KANSL1: variants seen among roughly 807,000 people sequenced by gnomAD.
The protein encoded by KANSL1 is KAT8 regulatory NSL complex subunit 1, also known as MLL1/MLL complex subunit KANSL1.
In KANSL1, 22 loss-of-function variants were observed where a neutral mutation model predicts 103.6. The observed-to-expected ratio is 0.21, with a 90% CI of 0.15 to 0.30. The LOEUF is 0.30. Ranked by LOEUF, KANSL1 falls within the 10% of genes least tolerant of loss-of-function variation. KANSL1 has a pLI of 1.00. For synonymous variants in KANSL1, 600 were observed against 527.6 expected (o/e 1.14, Z -1.88); for missense variants, 1,337 against 1,399.8 (o/e 0.96, Z 0.72).
At chr17:46,042,425 A>G (rs1469453382) in intron 7 of KANSL1, 1 of 152,208 alleles carries the variant, frequency 6.6e-6, no homozygotes, top group African/African-American at 2.4e-5. Context: ...CTTATTTTAA[A>G]GATAGGGAAC....
intron 1 of KANSL1, chr17:46,221,663 T>G (rs1329179582): frequency 6.6e-6 from 1 of 151,320 alleles, no homozygotes; most frequent in Non-Finnish European, 1.5e-5. Context: ...TCTATACGCA[T>G]GGAAACAAGC....
At chr17:46,100,717 T>C (rs1333134144) in intron 2 of KANSL1, among the ~76,000 whole-genome samples, 2 of 152,222 alleles carry the variant, frequency 1.3e-5, no homozygotes, top group Non-Finnish European at 1.5e-5. Context: ...GTGCCTCTAA[T>C]TAAGTCACCT....
chr17:46,053,509 C>T (rs1031864094), intron 6 of KANSL1, among the ~76,000 whole-genome samples: 12 of 151,374 alleles, frequency 7.9e-5, no homozygotes, highest in African/African-American at 2.7e-4. Flanking sequence ...AGTGCAGTGG[C>T]GCAAGTCTGC....
chr17:46,183,496 C>T (rs1351796287), intron 1 of KANSL1, among the ~76,000 whole-genome samples: 1 of 151,912 alleles, frequency 6.6e-6, no homozygotes, highest in Non-Finnish European at 1.5e-5. Context: ...GCTGTTATCA[C>T]GCCACTGCAC....
At chr17:46,126,814 C>G (rs1407187682) in intron 2 of KANSL1, among the ~76,000 whole-genome samples, 1 of 152,160 alleles carries the variant, frequency 6.6e-6, no homozygotes, top group African/African-American at 2.4e-5. Flanking sequence ...GCAAGTTTAG[C>G]TCCTAAAGTA....
intron 3 of KANSL1, chr17:46,088,289 C>CA (rs2079241407): frequency 6.6e-6 from 1 of 152,372 alleles, no homozygotes. Context: ...ATCACTCTAT[C>CA]AGGTCAATCT....
chr17:46,052,963 C>CAAAAAAAAAAA lies in KANSL1; in HGVS notation c.1849-2260_1849-2259insTTTTTTTTTTT, dbSNP rs2077769956. On this transcript the variant is annotated intron_variant, in intron 6 of 14. Transcript: ENST00000432791. ...TGGGAAAAAGAGTAAGATCCTGTCT[C>CAAAAAAAAAAA]CAAAAAAAAAAAAAAAAAAAAAAAA... is the stretch of plus-strand genomic sequence containing the variant. Among the ~76,000 whole-genome samples the CAAAAAAAAAAA allele has an allele frequency of 2.8e-4, 12 of 43,162 alleles. 1 individual carries two copies. Among genetic ancestry groups the CAAAAAAAAAAA allele is most frequent in the African/African-American group, 1.1e-3 (11 of 9,826 alleles). The allele number at this position is 43,162 out of a possible 152,430, so 28.3% of individuals were successfully genotyped here. A position where few individuals can be genotyped will look rare whatever the true frequency, so the allele number is the denominator to read the frequency against.
At position 46,095,785 on chromosome 17, in the gene KANSL1, C is replaced by T. The variant is rs189805911; in HGVS notation, c.1290-1084G>A. On this transcript the variant is annotated intron_variant, in intron 2 of 14. Coordinates refer to ENST00000432791, the MANE Select transcript of KANSL1 (RefSeq NM_015443.4). ...GAAGATATCTAACACATATAACTGA[C>T]GATTAAACATCAGAATATGTAACAG... is the stretch of plus-strand genomic sequence containing the variant. Among the ~76,000 whole-genome samples the T allele has an allele frequency of 1.5e-3, 229 of 151,900 alleles. 1 individual carries two copies. The highest frequency in any genetic ancestry group is 5.2e-3 in the African/African-American group (214 of 41,358).
chr17:46,186,086 C>G (rs1170288776), intron 1 of KANSL1, among the ~76,000 whole-genome samples: 2 of 151,972 alleles, frequency 1.3e-5, no homozygotes, highest in African/African-American at 2.4e-5. Flanking sequence ...TTTAAGAATT[C>G]TAAAGGAGGC....
Position 46,171,984 on chromosome 17 carries a change from T to C in KANSL1, c.160A>G (p.Ile54Val). Reference sequence around the variant, plus strand: ...TCTAGGCTGGGATCCTCTGCAGCAATGGCTTTTCTTTTGGTTCCGTTGGCA... The same window carrying C: ...TCTAGGCTGGGATCCTCTGCAGCAACGGCTTTTCTTTTGGTTCCGTTGGCA... ...IAANGTKRKA[I>V]AAEDPSLDFR... Residue 54 changes from isoleucine to valine, a missense_variant, in exon 2 of 15, where the codon ATT (isoleucine) becomes GTT (valine). By Grantham distance (29) the Ile-to-Val change is conservative. Coordinates refer to ENST00000432791, the MANE Select transcript of KANSL1 (RefSeq NM_015443.4). 1 of 1,614,272 alleles carries C rather than the reference T, an allele frequency of 6.2e-7. No individual in the cohort carries two copies. Among genetic ancestry groups the C allele is most frequent in the Non-Finnish European group, 8.5e-7 (1 of 1,180,046 alleles).
At chr17:46,205,165 G>C (rs2047922731) in intron 1 of KANSL1, among the ~76,000 whole-genome samples, 1 of 151,960 alleles carries the variant, frequency 6.6e-6, no homozygotes, top group Non-Finnish European at 1.5e-5. Flanking sequence ...AAAAAAAGAA[G>C]GAAAACTACC....
intron 1 of KANSL1, among the ~76,000 whole-genome samples, chr17:46,188,846 C>T (rs1045674104): frequency 6.6e-6 from 1 of 151,974 alleles, no homozygotes; most frequent in South Asian, 2.1e-4. Flanking sequence ...GCCTGGCCAA[C>T]ATGGCAAAAC....
chr17:46,101,952 T>C (rs2042340858), intron 2 of KANSL1, among the ~76,000 whole-genome samples: 1 of 152,158 alleles, frequency 6.6e-6, no homozygotes, highest in African/African-American at 2.4e-5. Flanking sequence ...CTTTGAACTT[T>C]AGAGTCATCT....
At chr17:46,039,483 A>AT in intron 8 of KANSL1, 1 of 617,956 alleles carries the variant, frequency 1.6e-6, no homozygotes, top group Non-Finnish European at 2.7e-6. Flanking sequence ...TTCACTGAGC[A>AT]TTTTGGGTCT....
intron 12 of KANSL1, 51 bp downstream of exon 12, chr17:46,033,352 T>C (rs763594781): frequency 3.2e-6 from 5 of 1,558,158 alleles, no homozygotes; most frequent in Non-Finnish European, 1.8e-6. Context: ...CTCATATGTA[T>C]GTGTGCATGT....
chr17:46,108,247 T>G (rs2042656108), intron 2 of KANSL1, among the ~76,000 whole-genome samples: 1 of 152,162 alleles, frequency 6.6e-6, no homozygotes, highest in Admixed American at 6.5e-5. Flanking sequence ...TCTGGCCTCA[T>G]CTCCTGTTCT....
At chr17:46,041,766 G>T (rs2077322798) in intron 7 of KANSL1, 1 of 151,966 alleles carries the variant, frequency 6.6e-6, no homozygotes, top group African/African-American at 2.4e-5. Flanking sequence ...TGTGCTTTGG[G>T]CTATCTTTCT....
chr17:46,082,953 T>C (rs2079037934), intron 3 of KANSL1, among the ~76,000 whole-genome samples: 1 of 152,172 alleles, frequency 6.6e-6, no homozygotes, highest in Non-Finnish European at 1.5e-5. Context: ...AATCATGTAC[T>C]CCACCAACTA....
At chr17:46,186,058 C>T (rs2047016910) in intron 1 of KANSL1, among the ~76,000 whole-genome samples, 1 of 152,014 alleles carries the variant, frequency 6.6e-6, no homozygotes. Context: ...ATCCTAAAAT[C>T]AGCGACTTCT....
Sources: gnomAD v4.1 joint callset for allele counts (sites outside exome capture counted in the v4.1 genomes callset) on GRCh38, gnomAD v4.1.1 for gene constraint, MANE v1.5 for transcripts, NCBI Gene and HGNC (gene_info 2026-07-23, HGNC 2026-07-21) for gene names.